Variants in CLDN10 observed in about 807,000 individuals in gnomAD.
The protein encoded by CLDN10 is claudin 10, also known as claudin-10.
Under a neutral mutation model 22.9 loss-of-function variants are expected in CLDN10, and 15 were observed. That is an observed-to-expected ratio of 0.65 (90% confidence interval 0.44 to 1.01). CLDN10 has a LOEUF of 1.01. CLDN10 is among the 50% of genes least tolerant of loss of function. The pLI is 0.00. For synonymous variants in CLDN10, 114 were observed against 111.4 expected, an observed-to-expected ratio of 1.02 and a Z score of -0.15; for missense variants, 247 against 287.8, an observed-to-expected ratio of 0.86 and a Z score of 1.03.
At chr13:95,481,215 C>G (rs1177006331) in intron 1 of CLDN10, among the ~76,000 whole-genome samples, 2 of 152,122 alleles carry the variant, frequency 1.3e-5, no homozygotes, top group African/African-American at 4.8e-5. Context: ...ATGCCCTTGA[C>G]CTTGCAGACT....
intron 1 of CLDN10, among the ~76,000 whole-genome samples, chr13:95,460,298 AT>A (rs541948351): frequency 9.2e-4 from 140 of 152,028 alleles, no homozygotes; most frequent in South Asian, 1.9e-3. Context: ...TTGCTTCCAC[AT>A]TTACAGGTAT....
intron 1 of CLDN10, 37 bp downstream of exon 1, chr13:95,553,010 TC>T (rs1443662653): frequency 5.6e-6 from 9 of 1,608,468 alleles, no homozygotes; most frequent in Non-Finnish European, 7.6e-6. Flanking sequence ...CAGCCCTCCT[TC>T]CTTGATGGCC....
chr13:95,568,136 G>A (rs2043808854), intron 3 of CLDN10, among the ~76,000 whole-genome samples: 1 of 152,124 alleles, frequency 6.6e-6, no homozygotes, highest in Non-Finnish European at 1.5e-5. Context: ...ATACATTATG[G>A]ATGTTTGTTT....
At chr13:95,560,095 T>G (rs2043686529) in intron 1 of CLDN10, 37 bp from the exon 2 acceptor site, 2 of 1,564,230 alleles carry the variant, frequency 1.3e-6, no homozygotes, top group African/African-American at 2.7e-5. Flanking sequence ...GACAGCCACA[T>G]GCTTTATGTA....
chr13:95,453,896 C>A (rs2042457504), intron 1 of CLDN10, among the ~76,000 whole-genome samples: 1 of 151,976 alleles, frequency 6.6e-6, no homozygotes, highest in African/African-American at 2.4e-5. Flanking sequence ...GGGCGGATCA[C>A]CTGAGGTTGG....
chr13:95,561,582 G>T (rs1005892318), intron 3 of CLDN10, among the ~76,000 whole-genome samples: 2 of 152,034 alleles, frequency 1.3e-5, no homozygotes, highest in Non-Finnish European at 2.9e-5. Context: ...GAGGAAAGAG[G>T]CCAAGTGATG....
At chr13:95,515,614 G>A (rs1423805216) in intron 1 of CLDN10, among the ~76,000 whole-genome samples, 1 of 152,152 alleles carries the variant, frequency 6.6e-6, no homozygotes, top group Non-Finnish European at 1.5e-5. Context: ...TGTGGTCACT[G>A]AAAAGTCTTG....
chr13:95,550,746 T>G (rs776391254), upstream of CLDN10, among the ~76,000 whole-genome samples: 3 of 150,954 alleles, frequency 2.0e-5, no homozygotes, highest in Non-Finnish European at 4.4e-5. Context: ...GAATAGAGGA[T>G]GCTTTGTAGT....
chr13:95,464,931 T>G (rs2139094095), intron 1 of CLDN10, among the ~76,000 whole-genome samples: 1 of 152,274 alleles, frequency 6.6e-6, no homozygotes, highest in African/African-American at 2.4e-5. Flanking sequence ...TTCACCATGT[T>G]GCCCAGGCTG....
At chr13:95,566,860 T>C (rs1257858821) in intron 3 of CLDN10, among the ~76,000 whole-genome samples, 2 of 152,104 alleles carry the variant, frequency 1.3e-5, no homozygotes, top group Non-Finnish European at 2.9e-5. Flanking sequence ...TTTCCCAGCA[T>C]CATTTATTAA....
intron 1 of CLDN10, among the ~76,000 whole-genome samples, chr13:95,513,133 G>A (rs1369195741): frequency 1.3e-5 from 2 of 152,078 alleles, no homozygotes; most frequent in Non-Finnish European, 2.9e-5. Flanking sequence ...TCCCACTTCT[G>A]CCTCACAAAG....
chr13:95,455,352 G>A (rs2042472824), intron 1 of CLDN10, among the ~76,000 whole-genome samples: 1 of 152,184 alleles, frequency 6.6e-6, no homozygotes, highest in African/African-American at 2.4e-5. Flanking sequence ...GGTGTTTAAT[G>A]TCTTCTTAAA....
intron 1 of CLDN10, among the ~76,000 whole-genome samples, chr13:95,495,946 C>T (rs1036867386): frequency 2.0e-5 from 3 of 152,148 alleles, no homozygotes; most frequent in African/African-American, 7.2e-5. Flanking sequence ...TTCTTAAAAT[C>T]AGCTCCTCCA....
chr13:95,569,513 G>A (rs945936330), intron 3 of CLDN10, among the ~76,000 whole-genome samples: 6 of 152,122 alleles, frequency 3.9e-5, no homozygotes, highest in African/African-American at 1.4e-4. Flanking sequence ...GAACCTGGGG[G>A]GTGGAGGTTG....
intron 1 of CLDN10, among the ~76,000 whole-genome samples, chr13:95,527,183 C>T (rs2043290676): frequency 6.6e-6 from 1 of 152,074 alleles, no homozygotes; most frequent in Non-Finnish European, 1.5e-5. Context: ...TCCTTATTGC[C>T]AATTTAGGAC....
chr13:95,533,602 C>A (rs1010360088), intron 1 of CLDN10: 6 of 152,108 alleles, frequency 3.9e-5, no homozygotes, highest in South Asian at 2.1e-4. Flanking sequence ...GAGGGGAAAA[C>A]CTGTAGGTCA....
chr13:95,521,664 AT>A (rs968755594), intron 1 of CLDN10, among the ~76,000 whole-genome samples: 1 of 152,124 alleles, frequency 6.6e-6, no homozygotes, highest in African/African-American at 2.4e-5. Context: ...TAATGTGTTT[AT>A]TAGGATTTTG....
intron 3 of CLDN10, among the ~76,000 whole-genome samples, chr13:95,564,271 G>A (rs760890768): frequency 6.6e-6 from 1 of 152,126 alleles, no homozygotes; most frequent in East Asian, 1.9e-4. Flanking sequence ...AGTCCTTTCA[G>A]AATTAGCAAA....
At chr13:95,504,281 T>A (rs926502425) in intron 1 of CLDN10, among the ~76,000 whole-genome samples, 5 of 152,226 alleles carry the variant, frequency 3.3e-5, no homozygotes, top group Non-Finnish European at 7.3e-5. Flanking sequence ...CTGCCTACAT[T>A]TTTTACTTCT....
Sources: gnomAD v4.1 joint callset for allele counts (sites outside exome capture counted in the v4.1 genomes callset) on GRCh38, gnomAD v4.1.1 for gene constraint, MANE v1.5 for transcripts, NCBI Gene and HGNC (gene_info 2026-07-23, HGNC 2026-07-21) for gene names.